The following RPL11 variants were observed in gnomAD, a reference collection of about 807,000 sequenced individuals.
RPL11 encodes large ribosomal subunit protein uL5.
In RPL11, 3 loss-of-function variants were observed where a neutral mutation model predicts 24.1. The observed-to-expected ratio is 0.12, with a 90% CI of 0.06 to 0.32. The LOEUF (loss-of-function observed/expected upper bound fraction) is 0.32. Among genes scored for constraint, RPL11 ranks in the 10% least tolerant of loss-of-function variants. The pLI is 1.00. For missense variants in RPL11, 146 were observed against 225.7 expected, an observed-to-expected ratio of 0.65 and a Z score of 2.26; for synonymous variants, 96 against 75.7, an observed-to-expected ratio of 1.27 and a Z score of -1.39.
chr1:23,696,030 C>T, intron 5 of RPL11, 122 bp downstream of exon 5: 2 of 1,014,122 alleles, frequency 2.0e-6, no homozygotes, highest in South Asian at 2.8e-5. Flanking sequence ...GAATATTGGG[C>T]ATCTTGACAA....
rs1644520539 is a variant in RPL11 at position 23,694,364 on chromosome 1, T to A, written c.265-296T>A. 4.0e-5 allele frequency among the ~76,000 whole-genome samples: 6 copies of A among 151,144 alleles called. No homozygotes were observed. The South Asian group carries it at 1.3e-3, about 32-fold the overall frequency. ...CTGCACTCCAGCTTAGGCCACAGAG[T>A]GAGACTCTTGTCTCAAAAAAAAAAA... On this transcript the variant is annotated intron_variant, in intron 3 of 5. Transcript: ENST00000643754.
chr1:23,695,698 G>A (rs1167641291), intron 4 of RPL11, 100 bp from the exon 5 acceptor site: 2 of 1,129,554 alleles, frequency 1.8e-6, no homozygotes. Flanking sequence ...CCATTGGGCT[G>A]CCAAGTGACT....
chr1:23,695,170 A>G (rs1644526118), intron 4 of RPL11: 2 of 355,428 alleles, frequency 5.6e-6, no homozygotes, highest in South Asian at 2.3e-5. Context: ...GGTTCTTCCT[A>G]TAGAAACAGC....
chr1:23,693,718 CTT>C, intron 2 of RPL11, 87 bp from the exon 3 acceptor site: 2 of 877,208 alleles, frequency 2.3e-6, no homozygotes, highest in Non-Finnish European at 3.9e-6. Flanking sequence ...CTTAATGTCT[CTT>C]TAAGTCATGG....
chr1:23,692,117 G>T lies in RPL11; in HGVS notation c.6+288G>T, dbSNP rs575173818. The T allele has an allele frequency of 1.6e-5, 9 of 562,802 alleles. No homozygotes were observed. In the East Asian group the frequency reaches 2.1e-4, roughly 13 times the overall value. 34.9% of individuals were successfully genotyped at this position (562,802 alleles called of 1,614,324 possible). A position where few individuals can be genotyped will look rare whatever the true frequency, so the allele number is the denominator to read the frequency against. ...GAATGGAGGGTTCTGAGGCAGGGGGGTCCGGGCCTTTTCCTGGTCCCGGGG... is the reference window on the plus strand; with the variant it reads ...GAATGGAGGGTTCTGAGGCAGGGGGTTCCGGGCCTTTTCCTGGTCCCGGGG... On this transcript the variant is annotated intron_variant, in intron 1 of 5. Transcript: ENST00000643754.
intron 4 of RPL11, chr1:23,695,005 T>C (rs1644524969): frequency 2.9e-6 from 2 of 678,186 alleles, no homozygotes; most frequent in East Asian, 5.9e-5. Context: ...GTTGGGGAAC[T>C]TGCAGTCGAG....
At chr1:23,692,026 G>A in intron 1 of RPL11, 197 bp downstream of exon 1, 2 of 743,632 alleles carry the variant, frequency 2.7e-6, no homozygotes, top group Non-Finnish European at 2.2e-6. Flanking sequence ...TTTAGGAGCG[G>A]CTCCGGGCAC....
At chr1:23,692,867 A>C in intron 2 of RPL11, 108 bp downstream of exon 2, 1 of 1,456,126 alleles carries the variant, frequency 6.9e-7, no homozygotes, top group South Asian at 1.2e-5. Flanking sequence ...GCATCACTTA[A>C]AGCATTAAAT....
In RPL11 at chr1:23,695,564, T is replaced by C. The variant is rs1393818992; in HGVS notation, c.397-234T>C. 2.0e-5 allele frequency: 11 copies of C among 555,884 alleles called. 1 individual carries two copies. The highest frequency in any genetic ancestry group is 1.6e-4 in the South Asian group (8 of 50,476). The allele number at this position is 555,884 out of a possible 1,614,324, so 34.4% of individuals were successfully genotyped here. ...GAGGATCCTCAGCACCACTGGAAAA[T>C]AGGCTGGGTTAGGGGGGTGCTGAAA... On this transcript the variant is annotated intron_variant, in intron 4 of 5. Transcript: ENST00000643754.
chr1:23,691,853 G>A (rs1054794924), intron 1 of RPL11, 24 bp downstream of exon 1: 3 of 1,614,106 alleles, frequency 1.9e-6, no homozygotes, highest in Admixed American at 1.7e-5. Flanking sequence ...ACCTGGATTT[G>A]CTTTCCTTTA....
At chr1:23,694,958 G>A in intron 4 of RPL11, 167 bp downstream of exon 4, 1 of 1,036,262 alleles carries the variant, frequency 9.7e-7, no homozygotes, top group East Asian at 2.6e-5. Flanking sequence ...GCAAATGTAG[G>A]GGTGCAGCTC....
At chr1:23,692,849 G>A in intron 2 of RPL11, 90 bp downstream of exon 2, 1 of 1,543,876 alleles carries the variant, frequency 6.5e-7, no homozygotes, top group Non-Finnish European at 8.9e-7. Context: ...TTTAGAAAGT[G>A]ACAGTCGGCA....
At chr1:23,692,308 C>T (rs1644505542) in intron 1 of RPL11, 1 of 439,196 alleles carries the variant, frequency 2.3e-6, no homozygotes, top group Non-Finnish European at 4.2e-6. Context: ...CCTTAGTTGG[C>T]CTTACAATGG....
At chr1:23,691,861 T>C in intron 1 of RPL11, 32 bp downstream of exon 1, 1 of 1,614,210 alleles carries the variant, frequency 6.2e-7, no homozygotes, top group Non-Finnish European at 8.5e-7. Context: ...TTGCTTTCCT[T>C]TATCCGTCGC....
intron 2 of RPL11, 127 bp from the exon 3 acceptor site, chr1:23,693,680 C>T (rs1243698458): frequency 2.8e-6 from 2 of 714,024 alleles, no homozygotes; most frequent in Non-Finnish European, 5.1e-6. Context: ...AATTAGAACA[C>T]CACAACTTAA....
chr1:23,691,964 C>G, intron 1 of RPL11, 135 bp downstream of exon 1: 2 of 1,174,452 alleles, frequency 1.7e-6, no homozygotes, highest in Non-Finnish European at 2.6e-6. Flanking sequence ...ACTAGCAGAG[C>G]CGTTCGAGCC....
At chr1:23,692,402 C>T in intron 1 of RPL11, 1 of 593,854 alleles carries the variant, frequency 1.7e-6, no homozygotes, top group Non-Finnish European at 3.0e-6. Context: ...CCTGAGTTTT[C>T]TCTTCACCCG....
chr1:23,695,612 T>TA, intron 4 of RPL11, 186 bp from the exon 5 acceptor site: 1 of 647,094 alleles, frequency 1.5e-6, no homozygotes, highest in South Asian at 1.7e-5. Flanking sequence ...AAAGCAAACT[T>TA]ACAGTATGGC....
intron 2 of RPL11, 95 bp from the exon 3 acceptor site, chr1:23,693,712 A>G: frequency 2.4e-6 from 2 of 824,128 alleles, no homozygotes; most frequent in East Asian, 2.5e-5. Flanking sequence ...TGAATGCTTA[A>G]TGTCTCTTTA....
Sources: gnomAD v4.1 joint callset for allele counts (sites outside exome capture counted in the v4.1 genomes callset) on GRCh38, gnomAD v4.1.1 for gene constraint, MANE v1.5 for transcripts, NCBI Gene and HGNC (gene_info 2026-07-23, HGNC 2026-07-21) for gene names.